Variants in RFC2 observed in about 807,000 individuals in gnomAD.
The protein encoded by RFC2 is A1 40 kDa subunit.
RFC2 carries 34 observed loss-of-function variants against 44.8 expected under a neutral mutation model. The ratio of observed to expected loss-of-function variants is 0.76; its 90% CI spans 0.58 to 1.01. The LOEUF (loss-of-function observed/expected upper bound fraction) is 1.01. Ranked by LOEUF, RFC2 falls within the 50% of genes least tolerant of loss-of-function variation. RFC2 has a pLI of 0.00. For missense variants in RFC2, 400 were observed against 453.6 expected (o/e 0.88, Z 1.07); for synonymous variants, 177 against 168.9 (o/e 1.05, Z -0.37).
In RFC2 at chr7:74,232,158, G is replaced by A. The variant is rs893266623; in HGVS notation, c.1013C>T (p.Ala338Val). Residue 338 changes from alanine (A) to valine (V), a missense_variant, in exon 11 of 11, where the codon GCA (alanine) becomes GTA (valine). Physicochemically the swap from Ala to Val is moderately conservative, Grantham distance 64. Transcript: ENST00000055077. ...CTGACACAGCCTTGCCAGGAGGCCT[G>A]CCATCTGCAAAAGAGAGTTCACTCC... ...AEGVNSLLQM[A>V]GLLARLCQKT... The A allele has an allele frequency of 7.4e-6, 12 of 1,613,384 alleles. No individual in the cohort carries two copies. Among genetic ancestry groups the A allele is most frequent in the Non-Finnish European group, 1.0e-5 (12 of 1,179,416 alleles).
intron 6 of RFC2, among the ~76,000 whole-genome samples, chr7:74,241,564 T>C (rs182707382): frequency 6.6e-6 from 1 of 152,024 alleles, no homozygotes; most frequent in East Asian, 1.9e-4. Context: ...GCTCATATGG[T>C]TGGGGTTCAG....
At chr7:74,236,503 G>A (rs1554718326) in intron 9 of RFC2, among the ~76,000 whole-genome samples, 2 of 152,194 alleles carry the variant, frequency 1.3e-5, no homozygotes, top group Admixed American at 1.3e-4. Context: ...TGTGGCTTGA[G>A]GTCGCCTGAA....
chr7:74,231,931 C>T lies in RFC2; in HGVS notation c.*175G>A, dbSNP rs781822988. 7 of 520,134 alleles carry T rather than the reference C, an allele frequency of 1.3e-5. No individual in the cohort carries two copies. The highest frequency in any genetic ancestry group is 2.4e-5 in the Non-Finnish European group (7 of 293,628). 32.2% of individuals were successfully genotyped at this position (520,134 alleles called of 1,614,324 possible). A position where few individuals can be genotyped will look rare whatever the true frequency, so the allele number is the denominator to read the frequency against. On this transcript the variant is annotated 3_prime_UTR_variant, in exon 11 of 11. Transcript: ENST00000055077. ...CTGACCTCAGGTGATCCACCTGCCT[C>T]GGCCTCCCAAAGTGTTGGGATTACA...
At chr7:74,243,077 C>A in intron 6 of RFC2, 69 bp downstream of exon 6, 1 of 1,002,388 alleles carries the variant, frequency 1.0e-6, no homozygotes. Context: ...AGGGAGACCA[C>A]ATCTATAAAA....
intron 2 of RFC2, among the ~76,000 whole-genome samples, chr7:74,251,307 C>T (rs962225864): frequency 2.6e-5 from 4 of 152,136 alleles, no homozygotes; most frequent in Non-Finnish European, 2.9e-5. Flanking sequence ...TGTCACCATG[C>T]CCAGTTTGAA....
At chr7:74,239,052 G>A in intron 7 of RFC2, 64 bp from the exon 8 acceptor site, 2 of 1,338,032 alleles carry the variant, frequency 1.5e-6, no homozygotes, top group Non-Finnish European at 2.1e-6. Context: ...AGTAGAGACA[G>A]GAGTCTCGCT....
At chr7:74,244,311 C>T (rs1189347797) in intron 5 of RFC2, among the ~76,000 whole-genome samples, 1 of 150,720 alleles carries the variant, frequency 6.6e-6, no homozygotes, top group African/African-American at 2.4e-5. Context: ...TTAATATATT[C>T]TAAATTTTCT....
Position 74,238,999 on chromosome 7 carries a change from G to A in RFC2, c.694-11C>T, listed in dbSNP as rs370808103. ...CAGGTTGTTCAGCGCCTGTTCAGGA[G>A]CAAACACATGTCAAGGATGATTTTT... On this transcript the variant is annotated splice_polypyrimidine_tract_variant and intron_variant, in intron 7 of 10. Coordinates refer to ENST00000055077, the MANE Select transcript of RFC2 (RefSeq NM_181471.3). The surrounding 1 kb of genome is among the most constrained non-coding windows in gnomAD (Gnocchi z 4.0). 25 of 1,608,046 alleles carry A rather than the reference G, an allele frequency of 1.6e-5. No homozygotes were observed. In the African/African-American group the frequency reaches 3.1e-4, roughly 20 times the overall value.
chr7:74,252,456 C>T lies in RFC2; in HGVS notation c.156G>A (p.Gly52=). 1 of 1,607,572 alleles carries T rather than the reference C, an allele frequency of 6.2e-7. No homozygotes were observed. The highest frequency in any genetic ancestry group is 8.5e-7 in the Non-Finnish European group (1 of 1,174,824). ...CTAGCCTGCTCACGGTGTCTTCATT[C>T]CCGACAATTTCATTCAGCTTTACTG... ...YRPVKLNEIV[G]NEDTVSRLEV... is the part of the protein sequence containing the mutation. The change falls in exon 2 of 11, where the codon GGG becomes GGA. Residue 52 remains glycine (G), a synonymous_variant. Transcript: ENST00000055077.
intron 4 of RFC2, among the ~76,000 whole-genome samples, chr7:74,247,072 C>G (rs1183521075): frequency 3.1e-4 from 45 of 144,304 alleles, no homozygotes; most frequent in African/African-American, 1.2e-3. Flanking sequence ...CTCCCAGGTT[C>G]AGTGAGCCGG....
chr7:74,243,928 G>A (rs1427259889), intron 5 of RFC2, among the ~76,000 whole-genome samples: 3 of 151,260 alleles, frequency 2.0e-5, no homozygotes, highest in South Asian at 2.1e-4. Context: ...TGTAAACATT[G>A]ATAGTATATA....
chr7:74,245,713 AC>A (rs1336719971), intron 5 of RFC2, among the ~76,000 whole-genome samples: 24 of 140,014 alleles, frequency 1.7e-4, no homozygotes, highest in Non-Finnish European at 2.1e-4. Flanking sequence ...ACTCCGTCTC[AC>A]AAAAAAAAAA....
chr7:74,238,231 C>T lies in RFC2; in HGVS notation c.759+692G>A, dbSNP rs535506151. ...TCAAAAATCGCTTGTCTGTTGTCCA[C>T]AAACCTGGTAAGAAACAGCTATAGG... On this transcript the variant is annotated intron_variant, in intron 8 of 10. Transcript: ENST00000055077. This position sits in a 1 kb window ranked among gnomAD's most constrained non-coding sequence, Gnocchi z 4.0. Among the ~76,000 whole-genome samples, 7 of 152,186 alleles carry T rather than the reference C, an allele frequency of 4.6e-5. No homozygotes were observed. The highest frequency in any genetic ancestry group is 8.8e-5 in the Non-Finnish European group (6 of 68,026).
chr7:74,237,343 C>CGG lies in RFC2; in HGVS notation c.840+17_840+18dup. On this transcript the variant is annotated intron_variant, in intron 9 of 10. Transcript: ENST00000055077. ...GAAGTGAGCGGTTCCTCTGCCAGGA[C>CGG]GGGGGGAAGGAGGCCAACCTTGTAG... is the stretch of plus-strand genomic sequence containing the variant. 6.3e-7 allele frequency: 1 copy of CGG among 1,585,070 alleles called. No homozygotes were observed. Among genetic ancestry groups the CGG allele is most frequent in the Non-Finnish European group, 8.6e-7 (1 of 1,161,422 alleles).
intron 6 of RFC2, 119 bp from the exon 7 acceptor site, chr7:74,240,214 C>T: frequency 1.2e-6 from 1 of 868,470 alleles, no homozygotes; most frequent in Non-Finnish European, 1.7e-6. Flanking sequence ...TCAATAGAGA[C>T]TTGGTAGGCC....
intron 3 of RFC2, 110 bp from the exon 4 acceptor site, chr7:74,249,228 C>A: frequency 6.4e-7 from 1 of 1,563,316 alleles, no homozygotes; most frequent in Non-Finnish European, 8.6e-7. Context: ...CCCCTGCATT[C>A]CACCCACAGC....
intron 5 of RFC2, among the ~76,000 whole-genome samples, chr7:74,245,019 T>C (rs1554719766): frequency 6.6e-6 from 1 of 151,692 alleles, no homozygotes; most frequent in East Asian, 2.0e-4. Context: ...CTTTTCTTAA[T>C]GTCATTTCAA....
rs1554718792 is a variant in RFC2, at chr7:74,238,940, T to G, written c.742A>C (p.Ser248Arg). 1 of 1,614,040 alleles carries G rather than the reference T, an allele frequency of 6.2e-7. No homozygotes were observed. The highest frequency in any genetic ancestry group is 2.2e-5 in the East Asian group (1 of 44,876). Reference protein sequence around the residue: ...STFSGFGFINSENVFKVCDEP... With the variant: ...STFSGFGFINRENVFKVCDEP... Reference sequence around the variant, plus strand: ...GCTTGTACCTTGAACACGTTCTCACTGTTAATGAAGCCAAATCCTGAGAAG... The same window carrying G: ...GCTTGTACCTTGAACACGTTCTCACGGTTAATGAAGCCAAATCCTGAGAAG... Residue 248 changes from serine (S) to arginine (R), a missense_variant, in exon 8 of 11, where the codon AGT becomes CGT. By Grantham distance (110) the Ser-to-Arg change is moderately radical. Coordinates refer to ENST00000055077, the MANE Select transcript of RFC2 (RefSeq NM_181471.3). The surrounding 1 kb of genome is among the most constrained non-coding windows in gnomAD (Gnocchi z 4.0).
intron 1 of RFC2, 79 bp from the exon 2 acceptor site, chr7:74,252,577 G>C: frequency 1.2e-6 from 1 of 842,612 alleles, no homozygotes; most frequent in Non-Finnish European, 2.0e-6. Context: ...GTTATCCTGA[G>C]AGCTTTGTTA....
Sources: gnomAD v4.1 joint callset for allele counts (sites outside exome capture counted in the v4.1 genomes callset) on GRCh38, gnomAD v4.1.1 for gene constraint, Gnocchi (gnomAD v3.1) non-coding constraint, MANE v1.5 for transcripts, NCBI Gene and HGNC (gene_info 2026-07-23, HGNC 2026-07-21) for gene names.